The following FSTL5 variants were observed in gnomAD, a reference collection of about 807,000 sequenced individuals.
FSTL5 encodes the protein follistatin-related protein 5.
A neutral mutation model predicts 89.1 loss-of-function variants in FSTL5; 62 were observed. The ratio of observed to expected loss-of-function variants is 0.70; its 90% CI spans 0.57 to 0.86. FSTL5 has a LOEUF of 0.86. Among genes scored for constraint, FSTL5 ranks in the 40% least tolerant of loss-of-function variants. The pLI is 0.00. For synonymous variants in FSTL5, 383 were observed against 346.2 expected (o/e 1.11, Z -1.18); for missense variants, 1,057 against 1,001.6 (o/e 1.06, Z -0.75).
At chr4:161,945,491 C>T (rs1225575879) in intron 3 of FSTL5, among the ~76,000 whole-genome samples, 2 of 152,206 alleles carry the variant, frequency 1.3e-5, no homozygotes, top group Non-Finnish European at 2.9e-5. Flanking sequence ...CAGTGGCTCA[C>T]GCCTGTAATC....
intron 15 of FSTL5, among the ~76,000 whole-genome samples, chr4:161,447,991 G>A (rs916478883): frequency 6.6e-6 from 1 of 152,114 alleles, no homozygotes; most frequent in African/African-American, 2.4e-5. Context: ...TACAGAGTTT[G>A]TGTTTGTTTG....
chr4:162,117,292 G>C (rs987182851), intron 1 of FSTL5, among the ~76,000 whole-genome samples: 10 of 152,182 alleles, frequency 6.6e-5, no homozygotes, highest in African/African-American at 2.4e-4. Context: ...ACCTGTACCA[G>C]ATTATTCCAT....
At chr4:161,967,182 C>T (rs1416239437) in intron 3 of FSTL5, among the ~76,000 whole-genome samples, 1 of 151,770 alleles carries the variant, frequency 6.6e-6, no homozygotes, top group African/African-American at 2.4e-5. Flanking sequence ...CTGAGATAGT[C>T]ACCTTGTTAC....
intron 6 of FSTL5, among the ~76,000 whole-genome samples, chr4:161,671,490 T>G (rs1737111903): frequency 6.6e-6 from 1 of 152,194 alleles, no homozygotes; most frequent in African/African-American, 2.4e-5. Context: ...CTCCGAGTTT[T>G]TACGAAAAGT....
intron 4 of FSTL5, among the ~76,000 whole-genome samples, chr4:161,788,459 C>T (rs954214851): frequency 1.3e-5 from 2 of 152,186 alleles, no homozygotes; most frequent in African/African-American, 4.8e-5. Flanking sequence ...ATTCTATTCT[C>T]TACTTCTATC....
intron 4 of FSTL5, among the ~76,000 whole-genome samples, chr4:161,831,027 T>C (rs1302921567): frequency 2.6e-5 from 4 of 151,916 alleles, no homozygotes; most frequent in Non-Finnish European, 4.4e-5. Context: ...GAAGCTTAAA[T>C]GAAACTTTCA....
At chr4:161,440,579 T>C (rs942998494) in intron 15 of FSTL5, among the ~76,000 whole-genome samples, 16 of 152,190 alleles carry the variant, frequency 1.1e-4, no homozygotes, top group Admixed American at 6.5e-4. Context: ...GCTCTCCTCA[T>C]GCTTTCCTGA....
At chr4:161,557,209 G>A (rs553506155) in intron 8 of FSTL5, among the ~76,000 whole-genome samples, 2 of 151,136 alleles carry the variant, frequency 1.3e-5, no homozygotes, top group Non-Finnish European at 3.0e-5. Context: ...ACAAATAAAA[G>A]AGCAGCCTTA....
chr4:161,943,805 T>A (rs539621528), intron 3 of FSTL5, among the ~76,000 whole-genome samples: 1 of 152,046 alleles, frequency 6.6e-6, no homozygotes, highest in Non-Finnish European at 1.5e-5. Context: ...TCTGCCCGTC[T>A]TGGCCTCCCA....
At chr4:161,948,175 T>C (rs1194215181) in intron 3 of FSTL5, among the ~76,000 whole-genome samples, 4 of 151,288 alleles carry the variant, frequency 2.6e-5, no homozygotes, top group South Asian at 2.1e-4. Flanking sequence ...CCCAGCTACT[T>C]GACAAACTGA....
intron 4 of FSTL5, among the ~76,000 whole-genome samples, chr4:161,872,859 A>C (rs1732319684): frequency 1.3e-5 from 2 of 152,164 alleles, no homozygotes; most frequent in South Asian, 4.1e-4. Context: ...TTATATGTAC[A>C]TGTATGAATT....
chr4:161,855,746 A>G (rs1003055682), intron 4 of FSTL5, among the ~76,000 whole-genome samples: 1 of 152,116 alleles, frequency 6.6e-6, no homozygotes, highest in Non-Finnish European at 1.5e-5. Flanking sequence ...CACTAAAGTT[A>G]ATTTTATCAC....
chr4:162,078,841 T>C (rs189419129), intron 2 of FSTL5, among the ~76,000 whole-genome samples: 6 of 151,784 alleles, frequency 4.0e-5, no homozygotes, highest in Non-Finnish European at 5.9e-5. Flanking sequence ...GACTAACTCA[T>C]GGTATTTTTA....
chr4:161,951,977 C>T (rs1386449297), intron 3 of FSTL5, among the ~76,000 whole-genome samples: 1 of 151,942 alleles, frequency 6.6e-6, no homozygotes, highest in African/African-American at 2.4e-5. Flanking sequence ...TTCCTTAACT[C>T]ACTTGAAATA....
chr4:161,776,200 T>TA, intron 4 of FSTL5, 126 bp from the exon 5 acceptor site: 1 of 516,478 alleles, frequency 1.9e-6, no homozygotes, highest in Non-Finnish European at 3.1e-6. Context: ...TCTGGTGTTT[T>TA]ACGATTTACA....
intron 2 of FSTL5, chr4:162,043,038 T>C (rs1387999506): frequency 6.6e-6 from 1 of 151,758 alleles, no homozygotes; most frequent in Non-Finnish European, 1.5e-5. Flanking sequence ...ATGGCACATG[T>C]ATACATATGT....
At position 161,930,072 on chromosome 4, in the gene FSTL5, T is replaced by G. The variant is rs1440566476; in HGVS notation, c.161-9420A>C. On this transcript the variant is annotated intron_variant, in intron 3 of 15. Coordinates refer to ENST00000306100, the MANE Select transcript of FSTL5 (RefSeq NM_020116.5). ...GGGAAAGATCCTTTAAATTCCTGAGTTTTTCTGGCCTTGAGTCATAATCAG... is the reference window on the plus strand; with the variant it reads ...GGGAAAGATCCTTTAAATTCCTGAGGTTTTCTGGCCTTGAGTCATAATCAG... Among the ~76,000 whole-genome samples, 7 of 151,714 alleles carry G rather than the reference T, an allele frequency of 4.6e-5. No individual in the cohort carries two copies. In the East Asian group the frequency reaches 1.2e-3, roughly 25 times the overall value.
rs79976508 is a variant in FSTL5, at chr4:161,668,223, T to C, written c.728-11729A>G. Among the ~76,000 whole-genome samples, 907 of 152,214 alleles carry C rather than the reference T, an allele frequency of 6.0e-3. 6 individuals are homozygous for C. The highest frequency in any genetic ancestry group is 0.02 in the African/African-American group (840 of 41,558). Reference sequence around the variant, plus strand: ...GATCCCATAGACATTTAAAGGATAATAAAAGTTACACAAAAAATTCTGTGC... The same window carrying C: ...GATCCCATAGACATTTAAAGGATAACAAAAGTTACACAAAAAATTCTGTGC... On this transcript the variant is annotated intron_variant, in intron 6 of 15. Coordinates refer to ENST00000306100, the MANE Select transcript of FSTL5 (RefSeq NM_020116.5).
chr4:161,475,970 G>A (rs981540093), intron 13 of FSTL5, among the ~76,000 whole-genome samples: 5 of 151,946 alleles, frequency 3.3e-5, no homozygotes, highest in Non-Finnish European at 7.4e-5. Flanking sequence ...AGCGAGGATG[G>A]TCTTGATCTC....
Sources: gnomAD v4.1 joint callset for allele counts (sites outside exome capture counted in the v4.1 genomes callset) on GRCh38, gnomAD v4.1.1 for gene constraint, MANE v1.5 for transcripts, NCBI Gene and HGNC (gene_info 2026-07-23, HGNC 2026-07-21) for gene names.